The following LGR5 variants were observed in gnomAD, a reference collection of about 807,000 sequenced individuals.
The protein encoded by LGR5 is leucine-rich repeat-containing G protein-coupled receptor 5.
A neutral mutation model predicts 76.7 loss-of-function variants in LGR5; 54 were observed. That is an observed-to-expected ratio of 0.70 (90% CI 0.57 to 0.88). The LOEUF is 0.88. Ranked by LOEUF, LGR5 falls within the 40% of genes least tolerant of loss-of-function variation. The pLI, the probability that LGR5 is intolerant of heterozygous loss-of-function variation, is 0.00. For synonymous variants in LGR5, 406 were observed against 421.9 expected, an observed-to-expected ratio of 0.96 and a Z score of 0.46; for missense variants, 1,078 against 1,073.3, an observed-to-expected ratio of 1.00 and a Z score of -0.06.
intron 13 of LGR5, among the ~76,000 whole-genome samples, chr12:71,573,323 C>T (rs1878700401): frequency 6.6e-6 from 1 of 151,988 alleles, no homozygotes; most frequent in Non-Finnish European, 1.5e-5. Context: ...TAATAATCAC[C>T]TCGAGGAAAC....
chr12:71,488,468 A>G (rs968510746), intron 1 of LGR5, among the ~76,000 whole-genome samples: 14 of 152,196 alleles, frequency 9.2e-5, no homozygotes, highest in African/African-American at 3.1e-4. Flanking sequence ...GCTCAAGGGC[A>G]GTTTTTCTCT....
At chr12:71,454,814 A>G (rs1872397191) in intron 1 of LGR5, among the ~76,000 whole-genome samples, 1 of 151,226 alleles carries the variant, frequency 6.6e-6, no homozygotes, top group Non-Finnish European at 1.5e-5. Context: ...CCCCACGGCC[A>G]CATCTCTGCA....
At chr12:71,552,423 G>C (rs1877533296) in intron 4 of LGR5, among the ~76,000 whole-genome samples, 1 of 152,008 alleles carries the variant, frequency 6.6e-6, no homozygotes, top group Non-Finnish European at 1.5e-5. Flanking sequence ...AAATTAGCCA[G>C]GTGTGGTGGC....
At chr12:71,477,404 T>C (rs1873384859) in intron 1 of LGR5, among the ~76,000 whole-genome samples, 1 of 150,452 alleles carries the variant, frequency 6.6e-6, no homozygotes, top group Admixed American at 6.6e-5. Flanking sequence ...ATAAGGTTTG[T>C]AGTTCTTTAA....
intron 5 of LGR5, among the ~76,000 whole-genome samples, chr12:71,554,902 A>C (rs183719996): frequency 6.6e-6 from 1 of 152,264 alleles, no homozygotes; most frequent in East Asian, 1.9e-4. Context: ...CCACATGTAT[A>C]ATATAATAAC....
intron 1 of LGR5, among the ~76,000 whole-genome samples, chr12:71,471,791 A>G (rs1873115739): frequency 6.6e-6 from 1 of 152,154 alleles, no homozygotes; most frequent in Non-Finnish European, 1.5e-5. Context: ...CCCACCACAA[A>G]GGATCATTAT....
chr12:71,549,823 G>T (rs1877385582), intron 4 of LGR5, among the ~76,000 whole-genome samples: 1 of 152,188 alleles, frequency 6.6e-6, no homozygotes. Context: ...TTAAATCTGG[G>T]AATATTAGTA....
intron 5 of LGR5, among the ~76,000 whole-genome samples, chr12:71,555,499 T>C (rs1877712865): frequency 6.6e-6 from 1 of 152,176 alleles, no homozygotes; most frequent in South Asian, 2.1e-4. Context: ...ATAACTAATC[T>C]CCTTGGGCAG....
chr12:71,498,052 G>T (rs910915715), intron 1 of LGR5, among the ~76,000 whole-genome samples: 1 of 152,128 alleles, frequency 6.6e-6, no homozygotes, highest in Admixed American at 6.6e-5. Flanking sequence ...AGAAAAGAAG[G>T]GGGGAGCAGA....
chr12:71,539,745 C>T (rs902352133), intron 4 of LGR5, among the ~76,000 whole-genome samples: 2 of 151,986 alleles, frequency 1.3e-5, no homozygotes, highest in Non-Finnish European at 2.9e-5. Flanking sequence ...CCCAAAGTGC[C>T]GGGATTACAG....
intron 5 of LGR5, among the ~76,000 whole-genome samples, chr12:71,556,366 A>G (rs1741726171): frequency 6.6e-6 from 1 of 152,132 alleles, no homozygotes; most frequent in African/African-American, 2.4e-5. Context: ...ACTTATATCA[A>G]TTATGTTCCT....
chr12:71,501,831 C>T (rs536206525), intron 1 of LGR5, among the ~76,000 whole-genome samples: 1 of 152,114 alleles, frequency 6.6e-6, no homozygotes, highest in East Asian at 1.9e-4. Flanking sequence ...CGTCTTTCAC[C>T]GTGGATAGTT....
chr12:71,513,475 AC>A (rs1406794427), intron 2 of LGR5, among the ~76,000 whole-genome samples: 2 of 150,920 alleles, frequency 1.3e-5, no homozygotes, highest in South Asian at 4.2e-4. Context: ...ATAATTAAAA[AC>A]CCCCAATTTG....
At chr12:71,555,705 TATGCTTACAA>T (rs1255760099) in intron 5 of LGR5, among the ~76,000 whole-genome samples, 1 of 152,170 alleles carries the variant, frequency 6.6e-6, no homozygotes, top group Non-Finnish European at 1.5e-5. Flanking sequence ...CTGAACAAAC[TATGCTTACAA>T]ATATGCCTTG....
chr12:71,461,227 T>C (rs1288736832), intron 1 of LGR5, among the ~76,000 whole-genome samples: 1 of 152,180 alleles, frequency 6.6e-6, no homozygotes, highest in Non-Finnish European at 1.5e-5. Flanking sequence ...TTATCATGCA[T>C]CTATGATCTG....
chr12:71,525,383 CTT>C (rs928635409), intron 3 of LGR5, among the ~76,000 whole-genome samples: 1 of 150,714 alleles, frequency 6.6e-6, no homozygotes, highest in African/African-American at 2.4e-5. Context: ...CCCTTCCTCT[CTT>C]TGAATTTTTT....
chr12:71,566,427 A>C lies in LGR5; in HGVS notation c.881A>C (p.Gln294Pro). Residue 294 changes from glutamine (Q) to proline (P), a missense_variant, in exon 9 of 18, where the codon CAG becomes CCG. Transcript: ENST00000266674. The stretch of plus-strand genomic sequence containing the variant: ...AGACATTTCTATGACAATCCCATCC[A>C]GTTTGTTGGGAGATCTGCTTTTCAA... ...ITIHFYDNPI[Q>P]FVGRSAFQHL... 1 of 1,603,172 alleles carries C rather than the reference A, an allele frequency of 6.2e-7. No homozygotes were observed. The highest frequency in any genetic ancestry group is 8.5e-7 in the Non-Finnish European group (1 of 1,170,384).
At chr12:71,562,477 A>G (rs1000998992) in intron 8 of LGR5, among the ~76,000 whole-genome samples, 5 of 152,128 alleles carry the variant, frequency 3.3e-5, no homozygotes, top group Admixed American at 1.3e-4. Context: ...TGGGAGGCCA[A>G]TGCAGGAGGA....
chr12:71,567,004 G>C, intron 11 of LGR5, 92 bp downstream of exon 11: 2 of 1,064,674 alleles, frequency 1.9e-6, no homozygotes, highest in Non-Finnish European at 2.9e-6. Flanking sequence ...CTCTTTAAAA[G>C]AGGAGAAAGT....
Sources: gnomAD v4.1 joint callset for allele counts (sites outside exome capture counted in the v4.1 genomes callset) on GRCh38, gnomAD v4.1.1 for gene constraint, MANE v1.5 for transcripts, NCBI Gene and HGNC (gene_info 2026-07-23, HGNC 2026-07-21) for gene names.